TRIM24: variants seen among roughly 807,000 people sequenced by gnomAD.
TRIM24 encodes transcription intermediary factor 1-alpha.
TRIM24 carries 29 observed loss-of-function variants against 123.9 expected under a neutral mutation model. The observed-to-expected ratio is 0.23, with a 90% CI of 0.17 to 0.32. The LOEUF (loss-of-function observed/expected upper bound fraction) is 0.32. TRIM24 is among the 10% of genes least tolerant of loss of function. TRIM24 has a pLI of 1.00. For synonymous variants in TRIM24, 456 were observed against 461.1 expected (o/e 0.99, Z 0.14); for missense variants, 932 against 1,295.3 (o/e 0.72, Z 4.31).
At chr7:138,467,641 C>CTTA (rs1226084836) in intron 1 of TRIM24, among the ~76,000 whole-genome samples, 106 of 152,288 alleles carry the variant, frequency 7.0e-4, no homozygotes, top group Middle Eastern at 6.8e-3. Context: ...TGCACCCAGC[C>CTTA]ATAATGTTCT....
rs1277242467 is a variant in TRIM24 at position 138,580,810 on chromosome 7, TA to T, written c.2718+117del. On this transcript the variant is annotated intron_variant, in intron 16 of 18. Coordinates refer to ENST00000343526, the MANE Select transcript of TRIM24 (RefSeq NM_015905.3). ...TATACTGATCCTTTTTATTTAAGAGTATTTTTTTTTGTTTACAAAGGTACAT... is the reference window on the plus strand; with the variant it reads ...TATACTGATCCTTTTTATTTAAGAGTTTTTTTTTTGTTTACAAAGGTACAT... 4 of 1,014,672 alleles carry T rather than the reference TA, an allele frequency of 3.9e-6. No individual in the cohort carries two copies. In the African/African-American group the frequency reaches 6.6e-5, roughly 17 times the overall value. The allele number at this position is 1,014,672 out of a possible 1,614,324, so 62.9% of individuals were successfully genotyped here. A position where few individuals can be genotyped will look rare whatever the true frequency, so the allele number is the denominator to read the frequency against.
chr7:138,564,791 C>G (rs745395159), intron 9 of TRIM24, among the ~76,000 whole-genome samples: 2 of 152,200 alleles, frequency 1.3e-5, no homozygotes, highest in Non-Finnish European at 2.9e-5. Flanking sequence ...TTCTCAACCT[C>G]TGAGGGGTCA....
rs1374378699 is a variant in TRIM24 at position 138,570,934 on chromosome 7, T to A, written c.1809T>A (p.Ala603=). ...GTGCAGCAGGATATGATGGAAAGGC[T>A]TTTGGTTCACCTATGATCGATTTGA... ...ITSAAGYDGK[A]FGSPMIDLSS... The change falls in exon 11 of 19, where the codon GCT becomes GCA. Residue 603 remains alanine, a synonymous_variant. Transcript: ENST00000343526. 14 of 1,614,028 alleles carry A rather than the reference T, an allele frequency of 8.7e-6. No homozygotes were observed. The Admixed American group carries it at 2.3e-4, about 27-fold the overall frequency.
At chr7:138,480,149 A>G (rs896002770) in intron 1 of TRIM24, among the ~76,000 whole-genome samples, 2 of 152,010 alleles carry the variant, frequency 1.3e-5, no homozygotes, top group African/African-American at 4.8e-5. Flanking sequence ...TTTTTTTTGT[A>G]GTGACGAGGT....
rs74520904 is a variant in TRIM24 at position 138,571,015 on chromosome 7, C to A, written c.1878+12C>A. On this transcript the variant is annotated intron_variant, in intron 11 of 18. Transcript: ENST00000343526. ...CCTCTCTTCCGGATGTAAGTAGACA[C>A]AAAATTTATACTAGCCTCTGTTGAA... 1 of 1,613,274 alleles carries A rather than the reference C, an allele frequency of 6.2e-7. No homozygotes were observed. Among genetic ancestry groups the A allele is most frequent in the Non-Finnish European group, 8.5e-7 (1 of 1,179,470 alleles).
intron 1 of TRIM24, among the ~76,000 whole-genome samples, chr7:138,488,722 GT>G (rs1795709508): frequency 6.6e-6 from 1 of 152,080 alleles, no homozygotes; most frequent in South Asian, 2.1e-4. Flanking sequence ...ACAGTTTGTT[GT>G]GATTTCTGTT....
chr7:138,531,067 G>A (rs13438570), intron 6 of TRIM24, among the ~76,000 whole-genome samples: 2,778 of 152,110 alleles, frequency 0.018, 71 homozygotes, highest in African/African-American at 0.061. Flanking sequence ...GACTACAAGC[G>A]ATCCTCCTGA....
At chr7:138,532,843 G>C (rs1796777692) in intron 6 of TRIM24, among the ~76,000 whole-genome samples, 2 of 152,308 alleles carry the variant, frequency 1.3e-5, no homozygotes, top group East Asian at 1.9e-4. Flanking sequence ...TCCTATCCAT[G>C]AGCATGGAAT....
At chr7:138,520,354 G>A (rs139963750) in intron 4 of TRIM24, among the ~76,000 whole-genome samples, 91 of 152,312 alleles carry the variant, frequency 6.0e-4, no homozygotes, top group African/African-American at 2.1e-3. Flanking sequence ...AAATCATATC[G>A]CTGGCTCCTC....
Position 138,573,640 on chromosome 7 carries a change from C to A in TRIM24, c.2012C>A (p.Ala671Glu). ...PNSSVPSPGLAGPVTMTSVHP... is the reference protein window; with the variant it reads ...PNSSVPSPGLEGPVTMTSVHP... The stretch of plus-strand genomic sequence containing the variant: ...TCATCAGTGCCATCTCCAGGCCTTG[C>A]AGGTAAAGTGGGCTTCTTTTGATTT... The change falls in exon 12 of 19, where the codon GCA becomes GAA. Residue 671 changes from alanine to glutamate, a missense_variant and splice_region_variant. Physicochemically the swap from Ala to Glu is moderately radical, Grantham distance 107. This residue lies in a region of TRIM24 where 527 missense variants were observed against 691.3 expected (regional missense o/e 0.76). Coordinates refer to ENST00000343526, the MANE Select transcript of TRIM24 (RefSeq NM_015905.3). 3 of 1,601,568 alleles carry A rather than the reference C, an allele frequency of 1.9e-6. No individual in the cohort carries two copies. Among genetic ancestry groups the A allele is most frequent in the Non-Finnish European group, 2.5e-6 (3 of 1,176,956 alleles).
chr7:138,538,752 A>G lies in TRIM24; in HGVS notation c.1092A>G (p.Lys364=). 5 of 1,612,304 alleles carry G rather than the reference A, an allele frequency of 3.1e-6. No homozygotes were observed. The highest frequency in any genetic ancestry group is 3.4e-6 in the Non-Finnish European group (4 of 1,179,070). The stretch of plus-strand genomic sequence containing the variant: ...TGGAGCATGTCATGCATTTTTCTAA[A>G]TGGGCAGTTTCCAGTGGCAGCAGTA... ...KQLEHVMHFS[K]WAVSSGSSTA... The change falls in exon 7 of 19, where the codon AAA becomes AAG. Residue 364 remains lysine (K), a synonymous_variant. Transcript: ENST00000343526.
intron 10 of TRIM24, among the ~76,000 whole-genome samples, chr7:138,568,421 C>T (rs943685692): frequency 3.8e-5 from 4 of 105,656 alleles, no homozygotes; most frequent in African/African-American, 1.3e-4. Flanking sequence ...AAGTCTCTCT[C>T]TGTCACTCAG....
rs557867446 is a variant in TRIM24, at chr7:138,539,705, G to T, written c.1143+902G>T. On this transcript the variant is annotated intron_variant, in intron 7 of 18. Coordinates refer to ENST00000343526, the MANE Select transcript of TRIM24 (RefSeq NM_015905.3). Reference sequence around the variant, plus strand: ...CCATACAGTTTTTTTAAGTTTTCCAGTGCATATAAAAGTTTTGATTATAAA... The same window carrying T: ...CCATACAGTTTTTTTAAGTTTTCCATTGCATATAAAAGTTTTGATTATAAA... Among the ~76,000 whole-genome samples the T allele has an allele frequency of 3.3e-5, 5 of 151,414 alleles. No individual in the cohort carries two copies. In the Middle Eastern group the frequency reaches 0.017, roughly 522 times the overall value.
chr7:138,517,762 T>TA (rs553529761), intron 3 of TRIM24, among the ~76,000 whole-genome samples: 26 of 149,662 alleles, frequency 1.7e-4, no homozygotes, highest in African/African-American at 4.2e-4. Flanking sequence ...TTGTGCATTA[T>TA]AAAAAAAAAA....
Position 138,574,113 on chromosome 7 carries a change from T to C in TRIM24, c.2014+471T>C, listed in dbSNP as rs190338271. Among the ~76,000 whole-genome samples the C allele has an allele frequency of 4.6e-5, 7 of 152,360 alleles. No homozygotes were observed. The East Asian group carries it at 1.3e-3, about 29-fold the overall frequency. ...ATTTCAACAGAACTTCTCACCATTA[T>C]AGTACTTCCAGGGGGAAATTGGTGT... is the stretch of plus-strand genomic sequence containing the variant. On this transcript the variant is annotated intron_variant, in intron 12 of 18. Coordinates refer to ENST00000343526, the MANE Select transcript of TRIM24 (RefSeq NM_015905.3).
intron 6 of TRIM24, among the ~76,000 whole-genome samples, chr7:138,530,769 C>T (rs926359425): frequency 2.0e-5 from 3 of 151,958 alleles, no homozygotes; most frequent in Non-Finnish European, 4.4e-5. Flanking sequence ...ACCTTGCCCC[C>T]CCTTTGTTTT....
At chr7:138,584,703 T>A in intron 18 of TRIM24, 39 bp from the exon 19 acceptor site, 1 of 1,489,916 alleles carries the variant, frequency 6.7e-7, no homozygotes. Flanking sequence ...AAGTCAAAAG[T>A]GTGTCCTTTT....
intron 9 of TRIM24, among the ~76,000 whole-genome samples, chr7:138,556,847 A>G (rs929818314): frequency 6.6e-6 from 1 of 152,180 alleles, no homozygotes; most frequent in Non-Finnish European, 1.5e-5. Context: ...TTCACATCCA[A>G]AGGCTAGGTC....
At chr7:138,492,273 C>CAAAAAAAAA (rs34380067) in intron 1 of TRIM24, among the ~76,000 whole-genome samples, 2 of 60,008 alleles carry the variant, frequency 3.3e-5, no homozygotes, top group African/African-American at 1.5e-4. Flanking sequence ...ACTCTGTCTC[C>CAAAAAAAAA]AAAAAAAAAA....
Sources: allele counts gnomAD v4.1 joint callset (sites outside exome capture counted in the v4.1 genomes callset), GRCh38; gene constraint gnomAD v4.1.1; regional missense constraint gnomAD v4.1.1; transcripts MANE v1.5; gene names NCBI Gene and HGNC (gene_info 2026-07-23, HGNC 2026-07-21).